AUTS2: variants seen among roughly 807,000 people sequenced by gnomAD.
The protein encoded by AUTS2 is activator of transcription and developmental regulator AUTS2.
A neutral mutation model predicts 112.4 loss-of-function variants in AUTS2; 17 were observed. The observed-to-expected ratio is 0.15, with a 90% CI of 0.10 to 0.23. AUTS2 has a LOEUF of 0.23. Among genes scored for constraint, AUTS2 ranks in the 10% least tolerant of loss-of-function variants. AUTS2 has a pLI of 1.00. For missense variants in AUTS2, 1,510 were observed against 1,701.6 expected (o/e 0.89, Z 1.98); for synonymous variants, 751 against 702.7 (o/e 1.07, Z -1.09).
intron 2 of AUTS2, among the ~76,000 whole-genome samples, chr7:70,003,020 A>G (rs1799269340): frequency 6.6e-6 from 1 of 150,964 alleles, no homozygotes; most frequent in African/African-American, 2.4e-5. Flanking sequence ...ATGAAAAACT[A>G]GATAGTTAAG....
chr7:70,646,975 G>T (rs1289639684), intron 5 of AUTS2, among the ~76,000 whole-genome samples: 1 of 152,200 alleles, frequency 6.6e-6, no homozygotes, highest in Non-Finnish European at 1.5e-5. Flanking sequence ...TCAAACTCAG[G>T]GCTGATCCTG....
intron 2 of AUTS2, among the ~76,000 whole-genome samples, chr7:70,018,721 TA>T (rs1231234346): frequency 6.6e-6 from 1 of 152,142 alleles, no homozygotes; most frequent in Non-Finnish European, 1.5e-5. Context: ...TTGCTTATAG[TA>T]GGAGAAAGAA....
intron 2 of AUTS2, among the ~76,000 whole-genome samples, chr7:70,011,191 C>T (rs1414308542): frequency 6.6e-6 from 1 of 152,142 alleles, no homozygotes; most frequent in East Asian, 1.9e-4. Flanking sequence ...GTCACTCAGT[C>T]TTTTTTGCTG....
chr7:69,839,865 G>C (rs545191184), intron 1 of AUTS2, among the ~76,000 whole-genome samples: 8 of 152,246 alleles, frequency 5.3e-5, no homozygotes, highest in African/African-American at 1.4e-4. Context: ...AGGTCCAGGA[G>C]CTTGGTGGAG....
At chr7:70,215,951 C>T (rs557346735) in intron 4 of AUTS2, among the ~76,000 whole-genome samples, 27 of 152,118 alleles carry the variant, frequency 1.8e-4, no homozygotes, top group African/African-American at 5.8e-4. Context: ...TGTCATCTGC[C>T]GAGAGCTTAA....
chr7:70,677,417 A>G (rs1039126128), intron 5 of AUTS2, among the ~76,000 whole-genome samples: 1 of 152,024 alleles, frequency 6.6e-6, no homozygotes, highest in Non-Finnish European at 1.5e-5. Context: ...AAGCCTCCAC[A>G]TGCTTCTGTG....
intron 1 of AUTS2, among the ~76,000 whole-genome samples, chr7:69,606,936 A>C (rs1792763769): frequency 6.6e-6 from 1 of 152,164 alleles, no homozygotes; most frequent in South Asian, 2.1e-4. Context: ...TCCAAATCTG[A>C]GCTGTGTTCT....
rs191462847 is a variant in AUTS2, at chr7:69,694,255, C to T, written c.309+94293C>T. ...TTTCTGTGTCTCACTCCTGGAAATTCTGACTCAGTGGGGGTAAGGATTAGG... is the reference window on the plus strand; with the variant it reads ...TTTCTGTGTCTCACTCCTGGAAATTTTGACTCAGTGGGGGTAAGGATTAGG... On this transcript the variant is annotated intron_variant, in intron 1 of 18. Transcript: ENST00000342771. Among the ~76,000 whole-genome samples the T allele has an allele frequency of 1.9e-3, 290 of 152,264 alleles. 2 individuals are homozygous for T. The highest frequency in any genetic ancestry group is 2.7e-3 in the Non-Finnish European group (182 of 68,016).
intron 3 of AUTS2, among the ~76,000 whole-genome samples, chr7:70,126,857 G>A (rs1051080523): frequency 9.9e-5 from 15 of 152,142 alleles, no homozygotes; most frequent in African/African-American, 3.6e-4. Context: ...TGTCGCCCAG[G>A]CTGGAGTGGA....
At chr7:70,447,259 C>T (rs1288110145) in intron 5 of AUTS2, among the ~76,000 whole-genome samples, 8 of 152,162 alleles carry the variant, frequency 5.3e-5, no homozygotes, top group Admixed American at 2.6e-4. Context: ...CTCACACCAA[C>T]CCAATGGAGT....
At chr7:70,639,900 A>G (rs1007699106) in intron 5 of AUTS2, among the ~76,000 whole-genome samples, 2 of 152,212 alleles carry the variant, frequency 1.3e-5, no homozygotes, top group African/African-American at 4.8e-5. Flanking sequence ...GGCTGAGTTC[A>G]GCACTGCTTG....
intron 4 of AUTS2, among the ~76,000 whole-genome samples, chr7:70,145,147 A>G (rs1204739023): frequency 2.6e-5 from 4 of 152,114 alleles, no homozygotes; most frequent in Non-Finnish European, 5.9e-5. Flanking sequence ...GCTGAGTATT[A>G]CAAGTCCTAT....
At chr7:70,734,332 C>T (rs1238117481) in intron 6 of AUTS2, among the ~76,000 whole-genome samples, 3 of 151,914 alleles carry the variant, frequency 2.0e-5, no homozygotes, top group East Asian at 1.9e-4. Context: ...CCCAGCTACT[C>T]GGGGGGCTGA....
chr7:69,716,321 G>A (rs567969718), intron 1 of AUTS2, among the ~76,000 whole-genome samples: 1 of 151,134 alleles, frequency 6.6e-6, no homozygotes, highest in Non-Finnish European at 1.5e-5. Flanking sequence ...TTTTCACACC[G>A]CATTCCACCC....
chr7:70,709,848 C>T (rs1035142657), intron 6 of AUTS2, among the ~76,000 whole-genome samples: 1 of 152,176 alleles, frequency 6.6e-6, no homozygotes, highest in Non-Finnish European at 1.5e-5. Flanking sequence ...TAGCCGATAC[C>T]AGGACTTCAG....
chr7:69,604,147 A>G (rs1411312199), intron 1 of AUTS2, among the ~76,000 whole-genome samples: 1 of 152,212 alleles, frequency 6.6e-6, no homozygotes, highest in African/African-American at 2.4e-5. Context: ...GCATCAAACC[A>G]AGACTTTGAT....
intron 5 of AUTS2, among the ~76,000 whole-genome samples, chr7:70,622,739 G>T (rs979396000): frequency 6.6e-6 from 1 of 152,156 alleles, no homozygotes; most frequent in Admixed American, 6.5e-5. Context: ...TCAACTTAGG[G>T]AAAAATGGAT....
At chr7:70,157,092 G>A (rs74445431) in intron 4 of AUTS2, among the ~76,000 whole-genome samples, 1 of 150,842 alleles carries the variant, frequency 6.6e-6, no homozygotes, top group Non-Finnish European at 1.5e-5. Context: ...AAAAAAAAAA[G>A]CAAGTGAAAT....
At chr7:69,725,004 T>G (rs2129221605) in intron 1 of AUTS2, among the ~76,000 whole-genome samples, 1 of 152,310 alleles carries the variant, frequency 6.6e-6, no homozygotes, top group South Asian at 2.1e-4. Context: ...GAACCGAAGT[T>G]TTTAATCTTC....
Sources: allele counts gnomAD v4.1 joint callset (sites outside exome capture counted in the v4.1 genomes callset), GRCh38; gene constraint gnomAD v4.1.1; transcripts MANE v1.5; gene names NCBI Gene and HGNC (gene_info 2026-07-23, HGNC 2026-07-21).